RBFOX1: variants seen among roughly 807,000 people sequenced by gnomAD.
RBFOX1 encodes the protein RNA binding protein fox-1 homolog 1.
RBFOX1 carries 8 observed loss-of-function variants against 57.7 expected under a neutral mutation model. That is an observed-to-expected ratio of 0.14 (90% CI 0.08 to 0.25). The LOEUF is 0.25. Ranked by LOEUF, RBFOX1 falls within the 10% of genes least tolerant of loss-of-function variation. The pLI is 1.00. For missense variants in RBFOX1, 611 were observed against 548.5 expected (o/e 1.11, Z -1.14); for synonymous variants, 326 against 222.4 (o/e 1.47, Z -4.15).
At chr16:6,581,281 G>A (rs779382828) in intron 2 of RBFOX1, among the ~76,000 whole-genome samples, 35 of 152,090 alleles carry the variant, frequency 2.3e-4, no homozygotes, top group Non-Finnish European at 4.4e-4. Context: ...TCCTGCACAG[G>A]GTTCTGTGTC....
At position 6,912,948 on chromosome 16, in the gene RBFOX1, G is replaced by T. The variant is rs189345488; in HGVS notation, c.-15-139109G>T. On this transcript the variant is annotated intron_variant, in intron 3 of 15. Transcript: ENST00000550418. Reference sequence around the variant, plus strand: ...AGCTCCTTGTTTTTGGTCCTCAGGGGATCTTGGGCAATATCTCACCTCATC... The same window carrying T: ...AGCTCCTTGTTTTTGGTCCTCAGGGTATCTTGGGCAATATCTCACCTCATC... 2.1e-4 allele frequency among the ~76,000 whole-genome samples: 32 copies of T among 152,124 alleles called. 1 individual carries two copies. The highest frequency in any genetic ancestry group is 8.8e-5 in the Non-Finnish European group (6 of 67,998).
chr16:6,824,656 TC>T (rs2091865239), intron 3 of RBFOX1, among the ~76,000 whole-genome samples: 1 of 152,172 alleles, frequency 6.6e-6, no homozygotes, highest in Admixed American at 6.5e-5. Context: ...CAAAAGAGGT[TC>T]TTGGATTCAT....
intron 1 of RBFOX1, among the ~76,000 whole-genome samples, chr16:5,250,062 G>C (rs1278669860): frequency 6.6e-6 from 1 of 151,622 alleles, no homozygotes; most frequent in African/African-American, 2.4e-5. Context: ...TAGTGAGGAG[G>C]AGGTTGCAGT....
At chr16:6,503,517 C>G (rs2096000983) in intron 2 of RBFOX1, among the ~76,000 whole-genome samples, 1 of 152,220 alleles carries the variant, frequency 6.6e-6, no homozygotes, top group Non-Finnish European at 1.5e-5. Context: ...ACTCACACCA[C>G]TGAAATTGAA....
chr16:5,637,527 C>T (rs934870168), intron 3 of RBFOX1, among the ~76,000 whole-genome samples: 24 of 152,158 alleles, frequency 1.6e-4, no homozygotes, highest in Admixed American at 1.5e-3. Flanking sequence ...TGTGATGCAC[C>T]TAGACTATTG....
chr16:6,807,111 G>T (rs190763842), intron 3 of RBFOX1, among the ~76,000 whole-genome samples: 1 of 151,892 alleles, frequency 6.6e-6, no homozygotes, highest in African/African-American at 2.4e-5. Flanking sequence ...TGGGATTACA[G>T]GTGTAAGCCA....
chr16:6,494,272 A>C (rs1474897573), intron 2 of RBFOX1, among the ~76,000 whole-genome samples: 1 of 152,070 alleles, frequency 6.6e-6, no homozygotes, highest in Admixed American at 6.6e-5. Context: ...GTTCTGTACA[A>C]CTTCATCGTG....
intron 3 of RBFOX1, among the ~76,000 whole-genome samples, chr16:6,727,546 G>T (rs1350705319): frequency 6.6e-6 from 1 of 152,092 alleles, no homozygotes; most frequent in Non-Finnish European, 1.5e-5. Flanking sequence ...TTAATGAGGG[G>T]AGAGGGAACC....
At chr16:5,508,409 G>A (rs368963375) in intron 2 of RBFOX1, among the ~76,000 whole-genome samples, 1 of 152,230 alleles carries the variant, frequency 6.6e-6, no homozygotes, top group African/African-American at 2.4e-5. Context: ...GAGAGAGACA[G>A]AGTCTCCTAG....
chr16:6,630,670 C>G (rs1173840210), intron 2 of RBFOX1, among the ~76,000 whole-genome samples: 2 of 152,148 alleles, frequency 1.3e-5, no homozygotes, highest in East Asian at 1.9e-4. Context: ...CTTATATTCC[C>G]TACAGCATTT....
At chr16:6,891,570 T>G (rs1166627676) in intron 3 of RBFOX1, among the ~76,000 whole-genome samples, 1 of 152,196 alleles carries the variant, frequency 6.6e-6, no homozygotes, top group Non-Finnish European at 1.5e-5. Context: ...TTTTTTCCAG[T>G]GCTCCAGGCA....
chr16:6,043,298 G>A (rs550866084), intron 1 of RBFOX1, among the ~76,000 whole-genome samples: 2 of 152,144 alleles, frequency 1.3e-5, no homozygotes, highest in African/African-American at 4.8e-5. Flanking sequence ...ATCTGTGCTA[G>A]ATCCAGGGAA....
At chr16:7,197,234 G>A (rs1200699670) in intron 4 of RBFOX1, among the ~76,000 whole-genome samples, 6 of 152,178 alleles carry the variant, frequency 3.9e-5, no homozygotes, top group Non-Finnish European at 5.9e-5. Flanking sequence ...TGTCTTTAGG[G>A]ATGAAGAAAA....
chr16:6,534,086 C>T (rs1178328735), intron 2 of RBFOX1, among the ~76,000 whole-genome samples: 4 of 152,056 alleles, frequency 2.6e-5, no homozygotes, highest in Non-Finnish European at 5.9e-5. Flanking sequence ...GCACATAAGG[C>T]TTCTTCAGAG....
chr16:6,182,573 A>G (rs1269343712), intron 1 of RBFOX1, among the ~76,000 whole-genome samples: 5 of 152,282 alleles, frequency 3.3e-5, no homozygotes, highest in Admixed American at 6.5e-5. Context: ...AATTGGTCTA[A>G]TATTTACTTA....
intron 3 of RBFOX1, among the ~76,000 whole-genome samples, chr16:6,875,998 A>G (rs1176644428): frequency 1.3e-5 from 2 of 151,802 alleles, no homozygotes; most frequent in Non-Finnish European, 2.9e-5. Context: ...ACTTGTCTCA[A>G]AAAATAATAA....
At chr16:5,878,333 C>A (rs548640337) in intron 4 of RBFOX1, among the ~76,000 whole-genome samples, 10 of 152,282 alleles carry the variant, frequency 6.6e-5, no homozygotes, top group Non-Finnish European at 1.5e-4. Flanking sequence ...ATATAAATTA[C>A]CTCTTTTATT....
intron 3 of RBFOX1, among the ~76,000 whole-genome samples, chr16:6,838,372 G>T (rs1351582976): frequency 6.6e-6 from 1 of 152,064 alleles, no homozygotes; most frequent in Non-Finnish European, 1.5e-5. Context: ...TCTTTTTTAT[G>T]GCTGCATAAT....
intron 4 of RBFOX1, among the ~76,000 whole-genome samples, chr16:7,300,020 C>A (rs888833446): frequency 6.6e-6 from 1 of 152,152 alleles, no homozygotes; most frequent in East Asian, 1.9e-4. Context: ...GAGCGGGATG[C>A]AAGAGGGGCT....
Sources: allele counts gnomAD v4.1 joint callset (sites outside exome capture counted in the v4.1 genomes callset), GRCh38; gene constraint gnomAD v4.1.1; transcripts MANE v1.5; gene names NCBI Gene and HGNC (gene_info 2026-07-23, HGNC 2026-07-21).